The following TTBK1 variants were observed in gnomAD, a reference collection of about 807,000 sequenced individuals.
The protein encoded by TTBK1 is tau tubulin kinase 1.
TTBK1 carries 34 observed loss-of-function variants against 108.5 expected under a neutral mutation model. That is an observed-to-expected ratio of 0.31 (90% CI 0.24 to 0.42). The LOEUF (loss-of-function observed/expected upper bound fraction) is 0.42, where lower values mean the gene tolerates loss of function less well. Among genes scored for constraint, TTBK1 ranks in the 10% least tolerant of loss-of-function variants. The pLI, the probability that TTBK1 is intolerant of heterozygous loss-of-function variation, is 1.00. For synonymous variants in TTBK1, 809 were observed against 795.1 expected (o/e 1.02, Z -0.29); for missense variants, 1,539 against 1,826.0 (o/e 0.84, Z 2.86).
chr6:43,253,802 G>GT lies in TTBK1; in HGVS notation c.471+94_471+95insT. 1 of 1,469,562 alleles carries GT rather than the reference G, an allele frequency of 6.8e-7. No individual in the cohort carries two copies. The allele number at this position is 1,469,562 out of a possible 1,614,324, so 91.0% of individuals were successfully genotyped here. ...CTCCTGGTTTCTCCTCTGCAACCAT[G>GT]GTTGGGACTTGTGATGGGACAGCCT... is the stretch of plus-strand genomic sequence containing the variant. On this transcript the variant is annotated intron_variant, in intron 5 of 14. Transcript: ENST00000259750. This position sits in a 1 kb window ranked among gnomAD's most constrained non-coding sequence, Gnocchi z 5.8.
In TTBK1 at chr6:43,284,154, G is replaced by A. The variant is rs765046259; in HGVS notation, c.3414G>A (p.Pro1138=). 36 of 1,548,430 alleles carry A rather than the reference G, an allele frequency of 2.3e-5. No homozygotes were observed. Among genetic ancestry groups the A allele is most frequent in the South Asian group, 1.9e-4 (16 of 85,524 alleles). ...AGGAGGACACGCCCGCCTCTGAGCCGGCAGCGGCCTTGCCCAGGAAGAGCG... is the reference window on the plus strand; with the variant it reads ...AGGAGGACACGCCCGCCTCTGAGCCAGCAGCGGCCTTGCCCAGGAAGAGCG... ...GSEEDTPASE[P]AAALPRKSGR... The change falls in exon 14 of 15, where the codon CCG becomes CCA. Residue 1138 remains proline (P), a synonymous_variant. Coordinates refer to ENST00000259750, the MANE Select transcript of TTBK1 (RefSeq NM_032538.3).
At position 43,276,444 on chromosome 6, in the gene TTBK1, A is replaced by G. The variant is rs1374718986; in HGVS notation, c.1987-6283A>G. On this transcript the variant is annotated intron_variant, in intron 13 of 14. Transcript: ENST00000259750. The surrounding 1 kb of genome is among the most constrained non-coding windows in gnomAD (Gnocchi z 5.4). ...AGACTGCGAGTACTGTACAAATCCA[A>G]CACTTGAAACCGACACGCACACGCG... 6.6e-6 allele frequency among the ~76,000 whole-genome samples: 1 copy of G among 151,832 alleles called. No homozygotes were observed. The highest frequency in any genetic ancestry group is 6.5e-5 in the Admixed American group (1 of 15,270).
chr6:43,272,700 G>A (rs1228521227), intron 13 of TTBK1: 1 of 985,052 alleles, frequency 1.0e-6, no homozygotes, highest in Non-Finnish European at 1.2e-6. Flanking sequence ...TAAGCCACTT[G>A]TGTTGGATTA....
At chr6:43,246,791 C>G in intron 2 of TTBK1, 23 bp downstream of exon 2, 2 of 1,588,576 alleles carry the variant, frequency 1.3e-6, no homozygotes, top group Non-Finnish European at 1.7e-6. Context: ...CCCGGCGGGA[C>G]AGAGGGAGGG....
At chr6:43,270,311 G>A in intron 13 of TTBK1, 1 of 1,078,032 alleles carries the variant, frequency 9.3e-7, no homozygotes, top group Non-Finnish European at 1.1e-6. Flanking sequence ...AGGGCCAGAG[G>A]CACTCTGGTA....
rs1333642051 is a variant in TTBK1 at position 43,263,349 on chromosome 6, A to G, written c.1985A>G (p.Gln662Arg). 6.9e-7 allele frequency: 1 copy of G among 1,457,688 alleles called. No individual in the cohort carries two copies. Among genetic ancestry groups the G allele is most frequent in the African/African-American group, 1.4e-5 (1 of 69,816 alleles). The allele number at this position is 1,457,688 out of a possible 1,614,324, so 90.3% of individuals were successfully genotyped here. Residue 662 changes from glutamine to arginine, a missense_variant and splice_region_variant, in exon 13 of 15, where the codon CAG (glutamine) becomes CGG (arginine). By Grantham distance (43) the Gln-to-Arg change is conservative (BLOSUM62 1). Transcript: ENST00000259750. This position sits in a 1 kb window ranked among gnomAD's most constrained non-coding sequence, Gnocchi z 4.7. ...TCGGACCCCACAGGCCCACAGAGACAGGTAAGGTTGGGCTTGCACCCCACT... is the reference window on the plus strand; with the variant it reads ...TCGGACCCCACAGGCCCACAGAGACGGGTAAGGTTGGGCTTGCACCCCACT... Reference protein sequence around the residue: ...RESDPTGPQRQVFSVAPPFEV... With the variant: ...RESDPTGPQRRVFSVAPPFEV...
chr6:43,275,280 AC>A (rs1038134625), intron 13 of TTBK1, among the ~76,000 whole-genome samples: 1 of 149,750 alleles, frequency 6.7e-6, no homozygotes, highest in Non-Finnish European at 1.5e-5. Flanking sequence ...GGCGCCCTGC[AC>A]CCCCCGCCGG....
chr6:43,275,198 G>A (rs1777936441), intron 13 of TTBK1, among the ~76,000 whole-genome samples: 1 of 152,134 alleles, frequency 6.6e-6, no homozygotes, highest in African/African-American at 2.4e-5. Context: ...CCCCAAGCCA[G>A]GGGTCCCGTC....
rs779558883 is a variant in TTBK1 at position 43,282,856 on chromosome 6, C to G, written c.2116C>G (p.Arg706Gly). 5 of 1,613,782 alleles carry G rather than the reference C, an allele frequency of 3.1e-6. No homozygotes were observed. Among genetic ancestry groups the G allele is most frequent in the Non-Finnish European group, 4.2e-6 (5 of 1,179,992 alleles). Residue 706 changes from arginine to glycine, a missense_variant, in exon 14 of 15, where the codon CGG (arginine) becomes GGG (glycine). Around this residue, in one of 5 missense-constraint regions of TTBK1, gnomAD observed 1,055 missense variants for 1,086.5 expected, o/e 0.97. Coordinates refer to ENST00000259750, the MANE Select transcript of TTBK1 (RefSeq NM_032538.3). The surrounding 1 kb of genome is among the most constrained non-coding windows in gnomAD (Gnocchi z 5.4). ...ACGGGCGCGGTTGCTCAACAGGGTC[C>G]GGAGGGTGGGCTTCTCGCACATGCT... Reference protein sequence around the residue: ...RERARLLNRVRRVGFSHMLLT... With the variant: ...RERARLLNRVGRVGFSHMLLT...
Position 43,285,676 on chromosome 6 carries a change from C to T in TTBK1, c.*300C>T, listed in dbSNP as rs897887960. 2.0e-5 allele frequency: 5 copies of T among 250,672 alleles called. No homozygotes were observed. The highest frequency in any genetic ancestry group is 1.1e-4 in the African/African-American group (5 of 44,398). The allele number at this position is 250,672 out of a possible 1,614,324, so 15.5% of individuals were successfully genotyped here. ...GCCAGCCTCACATCAGTCTCTCCGC[C>T]CCGGGGAAGGCTCAGCCACTTTTCA... On this transcript the variant is annotated 3_prime_UTR_variant, in exon 15 of 15. Coordinates refer to ENST00000259750, the MANE Select transcript of TTBK1 (RefSeq NM_032538.3). This position sits in a 1 kb window ranked among gnomAD's most constrained non-coding sequence, Gnocchi z 4.7.
chr6:43,257,497 C>T lies in TTBK1; in HGVS notation c.862-315C>T, dbSNP rs982654830. Among the ~76,000 whole-genome samples, 1 of 152,014 alleles carries T rather than the reference C, an allele frequency of 6.6e-6. No individual in the cohort carries two copies. The highest frequency in any genetic ancestry group is 2.4e-5 in the African/African-American group (1 of 41,374). ...CACCCCATGCATGGGTTTGGAAACT[C>T]CCAGTGGTTTAGGGTTGCTGACATG... is the stretch of plus-strand genomic sequence containing the variant. On this transcript the variant is annotated intron_variant, in intron 9 of 14. Transcript: ENST00000259750. The surrounding 1 kb of genome is among the most constrained non-coding windows in gnomAD (Gnocchi z 4.5).
At position 43,286,322 on chromosome 6, in the gene TTBK1, G is replaced by A. The variant is rs945873484; in HGVS notation, c.*946G>A. 2 of 152,708 alleles carry A rather than the reference G, an allele frequency of 1.3e-5. No homozygotes were observed. The highest frequency in any genetic ancestry group is 4.8e-5 in the African/African-American group (2 of 41,460). The allele number at this position is 152,708 out of a possible 1,614,324, so 9.5% of individuals were successfully genotyped here. A position where few individuals can be genotyped will look rare whatever the true frequency, so the allele number is the denominator to read the frequency against. On this transcript the variant is annotated 3_prime_UTR_variant, in exon 15 of 15. Coordinates refer to ENST00000259750, the MANE Select transcript of TTBK1 (RefSeq NM_032538.3). This position sits in a 1 kb window ranked among gnomAD's most constrained non-coding sequence, Gnocchi z 4.6. The stretch of plus-strand genomic sequence containing the variant: ...CCTTCACCATCAGGAATTCCTTCCT[G>A]TCATCTAACCTCAGTCCTGCCTACT...
At chr6:43,275,027 C>A (rs1202467241) in intron 13 of TTBK1, among the ~76,000 whole-genome samples, 2 of 152,142 alleles carry the variant, frequency 1.3e-5, no homozygotes, top group Non-Finnish European at 2.9e-5. Context: ...GCAGTGGGGT[C>A]CACTTGGCCA....
intron 7 of TTBK1, 79 bp from the exon 8 acceptor site, chr6:43,255,473 G>A: frequency 7.6e-7 from 1 of 1,320,790 alleles, no homozygotes; most frequent in Non-Finnish European, 1.1e-6. Flanking sequence ...CCTGACAGAT[G>A]CCCCTCAGAG....
In TTBK1 at chr6:43,253,172, G is replaced by T; in HGVS notation, c.257-119G>T. 2 of 1,142,768 alleles carry T rather than the reference G, an allele frequency of 1.8e-6. No homozygotes were observed. The highest frequency in any genetic ancestry group is 1.3e-6 in the Non-Finnish European group (1 of 760,154). The allele number at this position is 1,142,768 out of a possible 1,614,324, so 70.8% of individuals were successfully genotyped here. ...TAGGGCCAGGGAGGTGGCAAGACAG[G>T]TGCTCACAGGGCCAGCACTGGAGGG... On this transcript the variant is annotated intron_variant, in intron 3 of 14. Coordinates refer to ENST00000259750, the MANE Select transcript of TTBK1 (RefSeq NM_032538.3). The surrounding 1 kb of genome is among the most constrained non-coding windows in gnomAD (Gnocchi z 5.8).
At chr6:43,266,613 AT>A (rs67120400) in intron 13 of TTBK1, among the ~76,000 whole-genome samples, 6,066 of 146,236 alleles carry the variant, frequency 0.041, 142 homozygotes, top group African/African-American at 0.056. Flanking sequence ...AGGTCTGTGA[AT>A]TTTTTTTTTT....
Position 43,254,543 on chromosome 6 carries a change from C to A in TTBK1, c.472-4C>A. 1 of 1,569,600 alleles carries A rather than the reference C, an allele frequency of 6.4e-7. No individual in the cohort carries two copies. The highest frequency in any genetic ancestry group is 8.6e-7 in the Non-Finnish European group (1 of 1,161,198). ...CCAGAGCTCACAGCTGCTGTCTCCC[C>A]CAGTCAAACTTTGCCATGGGCAGGC... On this transcript the variant is annotated splice_polypyrimidine_tract_variant and splice_region_variant and intron_variant, in intron 5 of 14. Coordinates refer to ENST00000259750, the MANE Select transcript of TTBK1 (RefSeq NM_032538.3).
At chr6:43,271,188 G>A in intron 13 of TTBK1, 1 of 985,526 alleles carries the variant, frequency 1.0e-6, no homozygotes, top group Non-Finnish European at 1.2e-6. Context: ...CCTGTATGGG[G>A]AGGGGAGGAG....
Position 43,257,737 on chromosome 6 carries a change from C to A in TTBK1, c.862-75C>A. The A allele has an allele frequency of 1.3e-6, 2 of 1,505,044 alleles. No homozygotes were observed. Among genetic ancestry groups the A allele is most frequent in the Non-Finnish European group, 1.8e-6 (2 of 1,102,398 alleles). 93.2% of individuals were successfully genotyped at this position (1,505,044 alleles called of 1,614,324 possible). ...AAAGTCCCTGTCTTCCTCCTATGAT[C>A]CCAGCAACTGCCCCTTCCTCCTGGC... On this transcript the variant is annotated intron_variant, in intron 9 of 14. Coordinates refer to ENST00000259750, the MANE Select transcript of TTBK1 (RefSeq NM_032538.3). The surrounding 1 kb of genome is among the most constrained non-coding windows in gnomAD (Gnocchi z 4.5).
Sources: allele counts gnomAD v4.1 joint callset (sites outside exome capture counted in the v4.1 genomes callset), GRCh38; gene constraint gnomAD v4.1.1; regional missense constraint gnomAD v4.1.1; non-coding constraint Gnocchi (gnomAD v3.1); transcripts MANE v1.5; gene names NCBI Gene and HGNC (gene_info 2026-07-23, HGNC 2026-07-21).